Variants in AK8 observed in about 807,000 individuals in gnomAD.
The protein encoded by AK8 is ATP-AMP transphosphorylase 8.
AK8 carries 44 observed loss-of-function variants against 54.6 expected under a neutral mutation model. That is an observed-to-expected ratio of 0.81 (90% CI 0.63 to 1.04). The LOEUF is 1.04. Among genes scored for constraint, AK8 ranks in the 50% least tolerant of loss-of-function variants. AK8 has a pLI of 0.00. For missense variants in AK8, 555 were observed against 613.6 expected (o/e 0.90, Z 1.01); for synonymous variants, 239 against 245.6 (o/e 0.97, Z 0.25).
intron 11 of AK8, among the ~76,000 whole-genome samples, chr9:132,742,161 G>A (rs1184738059): frequency 1.3e-5 from 2 of 149,830 alleles, no homozygotes; most frequent in East Asian, 3.9e-4. Flanking sequence ...CGAGTTGATG[G>A]ACTTGGACTT....
chr9:132,814,278 C>CAAAA lies in AK8; in HGVS notation c.979+356_979+359dup, dbSNP rs71376658. 1.0e-3 allele frequency among the ~76,000 whole-genome samples: 67 copies of CAAAA among 63,884 alleles called. 6 individuals carry two copies. Among genetic ancestry groups the CAAAA allele is most frequent in the East Asian group, 1.7e-3 (5 of 3,010 alleles). 41.9% of individuals were successfully genotyped at this position (63,884 alleles called of 152,430 possible). A position where few individuals can be genotyped will look rare whatever the true frequency, so the allele number is the denominator to read the frequency against. On this transcript the variant is annotated intron_variant, in intron 10 of 12. Transcript: ENST00000298545. ...TGAGTGACAGATTGATACCCTGTCT[C>CAAAA]AAAAAAAAAAAAAAAAAAAAAAAAA...
Position 132,863,749 on chromosome 9 carries a change from G to A in AK8, c.249C>T (p.Ser83=). The A allele has an allele frequency of 1.2e-6, 2 of 1,614,126 alleles. No individual in the cohort carries two copies. The highest frequency in any genetic ancestry group is 1.7e-6 in the Non-Finnish European group (2 of 1,179,966). Residue 83 remains serine, a synonymous_variant, in exon 4 of 13, where the codon AGC becomes AGT. Transcript: ENST00000298545. ...TCAGGTTCTCCAGGGTGAGGAGACT[G>A]CTGTTCAGATGTTTGCAGAGCCACA... ...IAMWLCKHLN[S]SLLTLENLIL...
At chr9:132,816,875 G>A (rs1055171994) in intron 9 of AK8, among the ~76,000 whole-genome samples, 1 of 152,188 alleles carries the variant, frequency 6.6e-6, no homozygotes, top group Non-Finnish European at 1.5e-5. Flanking sequence ...CTGGAGCTCT[G>A]AGACGGCCAG....
At chr9:132,838,029 G>C (rs143550856) in intron 5 of AK8, among the ~76,000 whole-genome samples, 1 of 152,196 alleles carries the variant, frequency 6.6e-6, no homozygotes, top group Non-Finnish European at 1.5e-5. Context: ...CTATAAACCC[G>C]TGAGTGTCAA....
At chr9:132,752,251 C>CTTT (rs753096887) in intron 11 of AK8, among the ~76,000 whole-genome samples, 4 of 133,998 alleles carry the variant, frequency 3.0e-5, no homozygotes, top group African/African-American at 5.5e-5. Flanking sequence ...CATTTTCTAA[C>CTTT]TTTTTTTTTT....
intron 10 of AK8, among the ~76,000 whole-genome samples, chr9:132,807,793 C>T (rs1840789913): frequency 2.0e-5 from 3 of 152,114 alleles, no homozygotes; most frequent in South Asian, 2.1e-4. Flanking sequence ...AATCGGGAAG[C>T]GACATTCCAA....
At chr9:132,875,277 C>A in intron 1 of AK8, 78 bp from the exon 2 acceptor site, 1 of 1,568,054 alleles carries the variant, frequency 6.4e-7, no homozygotes, top group Non-Finnish European at 8.6e-7. Flanking sequence ...GCTATGGGGC[C>A]TGCTCTCTCC....
chr9:132,859,540 G>A (rs1843303011), intron 4 of AK8, among the ~76,000 whole-genome samples: 1 of 151,660 alleles, frequency 6.6e-6, no homozygotes, highest in African/African-American at 2.4e-5. Context: ...AGTAGAAATT[G>A]AAGGCTCATA....
At chr9:132,774,683 G>A (rs548559848) in intron 11 of AK8, among the ~76,000 whole-genome samples, 188 of 152,220 alleles carry the variant, frequency 1.2e-3, no homozygotes, top group Middle Eastern at 3.4e-3. Flanking sequence ...CGAGCATCGC[G>A]CCTGCCAAAA....
rs1037967518 is a variant in AK8 at position 132,761,513 on chromosome 9, C to T, written c.1121+31121G>A. Reference sequence around the variant, plus strand: ...CCTGGCTTCACGTATCTGCCCACCTCAGCTTCCCAAAGTGCTGGGATTACA... The same window carrying T: ...CCTGGCTTCACGTATCTGCCCACCTTAGCTTCCCAAAGTGCTGGGATTACA... On this transcript the variant is annotated intron_variant, in intron 11 of 12. Transcript: ENST00000298545. Among the ~76,000 whole-genome samples, 7 of 152,266 alleles carry T rather than the reference C, an allele frequency of 4.6e-5. No homozygotes were observed. The East Asian group carries it at 7.7e-4, about 17-fold the overall frequency.
chr9:132,846,699 G>C (rs1842767353), intron 5 of AK8, among the ~76,000 whole-genome samples: 2 of 152,220 alleles, frequency 1.3e-5, no homozygotes, highest in Admixed American at 6.5e-5. Flanking sequence ...ACAGGGAGTA[G>C]ATAGGCTTTG....
chr9:132,749,545 C>G (rs1837807148), intron 11 of AK8, among the ~76,000 whole-genome samples: 1 of 151,928 alleles, frequency 6.6e-6, no homozygotes. Context: ...TCACCCCCAT[C>G]TTATGGATGA....
At position 132,799,494 on chromosome 9, in the gene AK8, G is replaced by A. The variant is rs1031754524; in HGVS notation, c.980-6719C>T. ...CACCCCTCCATGCACACTCATAAAC[G>A]CCCCCACACACTACATACATGTCTA... On this transcript the variant is annotated intron_variant, in intron 10 of 12. Transcript: ENST00000298545. The surrounding 1 kb of genome is among the most constrained non-coding windows in gnomAD (Gnocchi z 5.0). Among the ~76,000 whole-genome samples the A allele has an allele frequency of 7.4e-4, 112 of 150,998 alleles. No homozygotes were observed. Among genetic ancestry groups the A allele is most frequent in the African/African-American group, 2.6e-3 (105 of 40,948 alleles).
intron 12 of AK8, 32 bp from the exon 13 acceptor site, chr9:132,725,957 T>G (rs763185252): frequency 1.3e-6 from 2 of 1,595,634 alleles, no homozygotes; most frequent in Non-Finnish European, 1.7e-6. Context: ...AGGTGACCCA[T>G]GGCCTGGCCT....
intron 11 of AK8, among the ~76,000 whole-genome samples, chr9:132,746,468 C>T (rs982514914): frequency 4.6e-5 from 7 of 152,194 alleles, no homozygotes; most frequent in Admixed American, 1.3e-4. Context: ...ACAGGGATGG[C>T]AACAGGTGAG....
Position 132,744,417 on chromosome 9 carries a change from CAA to C in AK8, c.1122-16885_1122-16884del, listed in dbSNP as rs35007270. Reference sequence around the variant, plus strand: ...AAGTAACAGGAGAATAGACACGTGCCAAAAAAAAAAAAAAAAGGATAGATGCT... The same window carrying C: ...AAGTAACAGGAGAATAGACACGTGCCAAAAAAAAAAAAAAGGATAGATGCT... On this transcript the variant is annotated intron_variant, in intron 11 of 12. Transcript: ENST00000298545. Among the ~76,000 whole-genome samples, 606 of 117,898 alleles carry C rather than the reference CAA, an allele frequency of 5.1e-3. 7 individuals carry two copies. The highest frequency in any genetic ancestry group is 0.031 in the East Asian group (122 of 3,980). The allele number at this position is 117,898 out of a possible 152,430, so 77.3% of individuals were successfully genotyped here. A position where few individuals can be genotyped will look rare whatever the true frequency, so the allele number is the denominator to read the frequency against.
chr9:132,816,265 A>C (rs532380652), intron 9 of AK8, among the ~76,000 whole-genome samples: 1 of 152,040 alleles, frequency 6.6e-6, no homozygotes, highest in African/African-American at 2.4e-5. Context: ...GAGGCAGGAG[A>C]ATTGCTTGAG....
At chr9:132,749,397 C>T (rs1781323450) in intron 11 of AK8, among the ~76,000 whole-genome samples, 1 of 151,924 alleles carries the variant, frequency 6.6e-6, no homozygotes, top group African/African-American at 2.4e-5. Context: ...GGCACTACCG[C>T]CTCCCTGGAT....
chr9:132,814,278 C>CAA (rs71376658), intron 10 of AK8, among the ~76,000 whole-genome samples: 1,865 of 63,698 alleles, frequency 0.029, 285 homozygotes, highest in Middle Eastern at 0.053. Context: ...TACCCTGTCT[C>CAA]AAAAAAAAAA....
Sources: gnomAD v4.1 joint callset for allele counts (sites outside exome capture counted in the v4.1 genomes callset) on GRCh38, gnomAD v4.1.1 for gene constraint, Gnocchi (gnomAD v3.1) non-coding constraint, MANE v1.5 for transcripts, NCBI Gene and HGNC (gene_info 2026-07-23, HGNC 2026-07-21) for gene names.